Variants in HAS1 observed in about 807,000 individuals in gnomAD.
The protein encoded by HAS1 is HA synthase 1.
A neutral mutation model predicts 35.0 loss-of-function variants in HAS1; 27 were observed. The ratio of observed to expected loss-of-function variants is 0.77; its 90% CI spans 0.57 to 1.06. The LOEUF is 1.06. Ranked by LOEUF, HAS1 falls within the 50% of genes least tolerant of loss-of-function variation. HAS1 has a pLI of 0.00. For missense variants in HAS1, 940 were observed against 814.8 expected (o/e 1.15, Z -1.87); for synonymous variants, 409 against 371.2 (o/e 1.10, Z -1.17).
chr19:51,723,234 G>A (rs1423119438), intron 1 of HAS1, among the ~76,000 whole-genome samples: 3 of 152,026 alleles, frequency 2.0e-5, no homozygotes, highest in East Asian at 3.9e-4. Flanking sequence ...CAAACACAGC[G>A]ATCCCGTGAC....
At chr19:51,723,681 C>T (rs1233685009) in intron 1 of HAS1, among the ~76,000 whole-genome samples, 4 of 152,064 alleles carry the variant, frequency 2.6e-5, no homozygotes, top group Admixed American at 6.6e-5. Context: ...GGACATGGCA[C>T]GTCTCACCTA....
intron 2 of HAS1, among the ~76,000 whole-genome samples, chr19:51,718,300 T>C (rs1362680632): frequency 1.3e-5 from 2 of 151,746 alleles, no homozygotes; most frequent in African/African-American, 4.8e-5. Flanking sequence ...ATGAAATTAA[T>C]CTGTATATTG....
intron 4 of HAS1, 27 bp downstream of exon 4, chr19:51,716,229 C>T: frequency 6.2e-7 from 1 of 1,601,872 alleles, no homozygotes; most frequent in Non-Finnish European, 8.5e-7. Context: ...TCCACACATA[C>T]CCGACCACCT....
In HAS1 at chr19:51,713,866, C is replaced by T. The variant is rs775898159; in HGVS notation, c.1295G>A (p.Trp432Ter). 35 of 1,606,512 alleles carry T rather than the reference C, an allele frequency of 2.2e-5. No individual in the cohort carries two copies. Among genetic ancestry groups the T allele is most frequent in the Admixed American group, 3.3e-5 (2 of 59,962 alleles). Residue 432 changes from tryptophan to a stop codon, truncating the protein, a stop_gained, in exon 5 of 5, where the codon TGG becomes TAG. Transcript: ENST00000540069. LOFTEE classifies it low-confidence loss of function (END_TRUNC). This position sits in a 1 kb window ranked among gnomAD's most constrained non-coding sequence, Gnocchi z 4.5. ...CACGCCCTGCACGCACAGCAGCACC[C>T]ACAGCAGCGCCCAAGGGCGGCCCGC... is the stretch of plus-strand genomic sequence containing the variant. ...FYAGRPWALL[W>*]VLLCVQGVAL...
At position 51,717,123 on chromosome 19, in the gene HAS1, G is replaced by A. The variant is rs779268942; in HGVS notation, c.770C>T (p.Pro257Leu). Reference protein sequence around the residue: ...LELVRVLDEDPRVGAVGGDVR... With the variant: ...LELVRVLDEDLRVGAVGGDVR... ...GTCCCCACCAACAGCCCCTACCCGG[G>A]GGTCCTCGTCCAGTACCCGCACGAG... The change falls in exon 3 of 5, where the codon CCC (proline) becomes CTC (leucine). Residue 257 changes from proline (P) to leucine (L), a missense_variant. Transcript: ENST00000540069. 5.0e-6 allele frequency: 8 copies of A among 1,614,030 alleles called. No individual in the cohort carries two copies. The South Asian group carries it at 6.6e-5, about 13-fold the overall frequency.
At position 51,717,040 on chromosome 19, in the gene HAS1, A is replaced by G; in HGVS notation, c.853T>C (p.Trp285Arg). 6.2e-7 allele frequency: 1 copy of G among 1,614,140 alleles called. No homozygotes were observed. Among genetic ancestry groups the G allele is most frequent in the Non-Finnish European group, 8.5e-7 (1 of 1,180,006 alleles). The stretch of plus-strand genomic sequence containing the variant: ...GCCCGCTCCACATTGAAGGCTACCC[A>G]GTATCGCAGGCTGCTTAGGAAGCTG... Reference protein sequence around the residue: ...WVSFLSSLRYWVAFNVERACQ... With the variant: ...WVSFLSSLRYRVAFNVERACQ... The change falls in exon 3 of 5, where the codon TGG becomes CGG. Residue 285 changes from tryptophan to arginine, a missense_variant. Coordinates refer to ENST00000540069, the MANE Select transcript of HAS1 (RefSeq NM_001297436.2).
In HAS1 at chr19:51,713,112, G is replaced by A. The variant is rs935643032; in HGVS notation, c.*315C>T. The stretch of plus-strand genomic sequence containing the variant: ...GTTCTCAAAAAGGTGGAGGCTGGGG[G>A]AAAATAAATAAAATTCTTTATTACA... On this transcript the variant is annotated 3_prime_UTR_variant, in exon 5 of 5. Coordinates refer to ENST00000540069, the MANE Select transcript of HAS1 (RefSeq NM_001297436.2). The surrounding 1 kb of genome is among the most constrained non-coding windows in gnomAD (Gnocchi z 4.5). 3 of 302,298 alleles carry A rather than the reference G, an allele frequency of 9.9e-6. No individual in the cohort carries two copies. In the East Asian group the frequency reaches 1.6e-4, roughly 16 times the overall value. 18.7% of individuals were successfully genotyped at this position (302,298 alleles called of 1,614,324 possible).
At position 51,713,936 on chromosome 19, in the gene HAS1, G is replaced by T; in HGVS notation, c.1225C>A (p.Leu409Met). 1 of 1,609,840 alleles carries T rather than the reference G, an allele frequency of 6.2e-7. No individual in the cohort carries two copies. Residue 409 changes from leucine (L) to methionine (M), a missense_variant, in exon 5 of 5, where the codon CTG becomes ATG. Physicochemically the swap from Leu to Met is conservative, Grantham distance 15. Coordinates refer to ENST00000540069, the MANE Select transcript of HAS1 (RefSeq NM_001297436.2). This position sits in a 1 kb window ranked among gnomAD's most constrained non-coding sequence, Gnocchi z 4.5. ...GTGGCCGCCACGAAGAAGGGGAACA[G>T]GCCGGAGACCACCGCCTCGTAGGTC... ...WMTYEAVVSG[L>M]FPFFVAATVL...
chr19:51,713,625 C>A lies in HAS1; in HGVS notation c.1536G>T (p.Leu512=). The change falls in exon 5 of 5, where the codon CTG becomes CTT. Residue 512 remains leucine (L), a synonymous_variant. Coordinates refer to ENST00000540069, the MANE Select transcript of HAS1 (RefSeq NM_001297436.2). This position sits in a 1 kb window ranked among gnomAD's most constrained non-coding sequence, Gnocchi z 4.5. ...CTACGCTGCGGACCAGGCCCCCAAG[C>A]AGCAGCAGCGCCCAGAGCGCCAGGG... is the stretch of plus-strand genomic sequence containing the variant. ...LLPLALWALL[L]LGGLVRSVAH... 6.4e-7 allele frequency: 1 copy of A among 1,560,992 alleles called. No individual in the cohort carries two copies. The highest frequency in any genetic ancestry group is 8.7e-7 in the Non-Finnish European group (1 of 1,152,790).
rs758345819 is a variant in HAS1 at position 51,719,308 on chromosome 19, C to T, written c.597G>A (p.Val199=). 1 of 1,612,820 alleles carries T rather than the reference C, an allele frequency of 6.2e-7. No homozygotes were observed. The highest frequency in any genetic ancestry group is 1.1e-5 in the South Asian group (1 of 90,856). ...DPGRLAVEAL[V]RTRRCVCVAQ... The stretch of plus-strand genomic sequence containing the variant: ...CCACGCACACGCACCTGCGAGTCCT[C>T]ACCAGCGCCTCCACTGCCAGCCGCC... Residue 199 remains valine, a synonymous_variant, in exon 2 of 5, where the codon GTG becomes GTA. Coordinates refer to ENST00000540069, the MANE Select transcript of HAS1 (RefSeq NM_001297436.2).
rs776233327 is a variant in HAS1, at chr19:51,713,452, G to A, written c.1709C>T (p.Thr570Ile). 28 of 1,545,046 alleles carry A rather than the reference G, an allele frequency of 1.8e-5. No individual in the cohort carries two copies. The highest frequency in any genetic ancestry group is 1.4e-5 in the African/African-American group (1 of 72,600). ...TCACACCTGGACGCGGTAGCCCCCG[G>A]TCCGCCGCCGGCAAAGCCTCCGCAC... ...VGVRRLCRRRTGGYRVQV is the reference protein window; with the variant it reads ...VGVRRLCRRRIGGYRVQV Residue 570 changes from threonine to isoleucine, a missense_variant, in exon 5 of 5, where the codon ACC (threonine) becomes ATC (isoleucine). Physicochemically the swap from Thr to Ile is moderately conservative, Grantham distance 89. Transcript: ENST00000540069. This position sits in a 1 kb window ranked among gnomAD's most constrained non-coding sequence, Gnocchi z 4.5.
chr19:51,717,297 G>A lies in HAS1; in HGVS notation c.700-104C>T, dbSNP rs1039419285. 5.0e-5 allele frequency: 35 copies of A among 702,618 alleles called. No individual in the cohort carries two copies. In the African/African-American group the frequency reaches 5.5e-4, roughly 11 times the overall value. 43.5% of individuals were successfully genotyped at this position (702,618 alleles called of 1,614,324 possible). ...AATGCAGCTGGGGCACTCTGCAACC[G>A]ATCTGAACATAATTTTGAGATTTTT... is the stretch of plus-strand genomic sequence containing the variant. On this transcript the variant is annotated intron_variant, in intron 2 of 4. Coordinates refer to ENST00000540069, the MANE Select transcript of HAS1 (RefSeq NM_001297436.2).
In HAS1 at chr19:51,717,033, G is replaced by C. The variant is rs1032247937; in HGVS notation, c.860C>G (p.Ala287Gly). Residue 287 changes from alanine to glycine, a missense_variant, in exon 3 of 5, where the codon GCC becomes GGC. Physicochemically the swap from Ala to Gly is moderately conservative, Grantham distance 60 (BLOSUM62 0). Coordinates refer to ENST00000540069, the MANE Select transcript of HAS1 (RefSeq NM_001297436.2). ...SFLSSLRYWV[A>G]FNVERACQSY... The stretch of plus-strand genomic sequence containing the variant: ...CTGACAAGCCCGCTCCACATTGAAG[G>C]CTACCCAGTATCGCAGGCTGCTTAG... The C allele has an allele frequency of 6.2e-7, 1 of 1,614,082 alleles. No individual in the cohort carries two copies.
rs763647290 is a variant in HAS1 at position 51,714,062 on chromosome 19, A to G, written c.1099T>C (p.Ser367Pro). The G allele has an allele frequency of 1.2e-6, 2 of 1,613,698 alleles. No individual in the cohort carries two copies. Among genetic ancestry groups the G allele is most frequent in the South Asian group, 2.2e-5 (2 of 90,988 alleles). The change falls in exon 5 of 5, where the codon TCC (serine) becomes CCC (proline). Residue 367 changes from serine to proline, a missense_variant. Physicochemically the swap from Ser to Pro is moderately conservative, Grantham distance 74. Coordinates refer to ENST00000540069, the MANE Select transcript of HAS1 (RefSeq NM_001297436.2). The stretch of plus-strand genomic sequence containing the variant: ...TGCTGGCTCAGCCACCGCAGGAAGG[A>G]CGAGGGCGTCTCTGAGTAGCAGCGG... The part of the protein sequence containing the change: ...RSRCYSETPS[S>P]FLRWLSQQTR...
At position 51,718,780 on chromosome 19, in the gene HAS1, G is replaced by A. The variant is rs545088713; in HGVS notation, c.699+426C>T. ...TAGAACTCCTGACCTCAGGTGATCC[G>A]CCCACCTCAGCCTCTCAAAGTGGCC... On this transcript the variant is annotated intron_variant, in intron 2 of 4. Transcript: ENST00000540069. 2.4e-4 allele frequency among the ~76,000 whole-genome samples: 36 copies of A among 152,220 alleles called. 1 individual carries two copies. The highest frequency in any genetic ancestry group is 7.9e-4 in the African/African-American group (33 of 41,520).
chr19:51,723,965 T>G lies in HAS1; in HGVS notation c.-32A>C. 1 of 1,537,306 alleles carries G rather than the reference T, an allele frequency of 6.5e-7. No homozygotes were observed. On this transcript the variant is annotated 5_prime_UTR_variant, in exon 1 of 5. Transcript: ENST00000540069. ...GGGTCTGGCCGGGCTCTCTCTTCTC[T>G]CCGGCTTGCTCTCCCAGCCTCTCTG...
At chr19:51,717,756 C>T (rs2083597141) in intron 2 of HAS1, among the ~76,000 whole-genome samples, 1 of 152,104 alleles carries the variant, frequency 6.6e-6, no homozygotes, top group South Asian at 2.1e-4. Flanking sequence ...AACCCCAAGC[C>T]TTAAAAAAGA....
chr19:51,716,952 C>T lies in HAS1; in HGVS notation c.925+16G>A. The T allele has an allele frequency of 6.4e-7, 1 of 1,566,548 alleles. No individual in the cohort carries two copies. The highest frequency in any genetic ancestry group is 8.8e-7 in the Non-Finnish European group (1 of 1,137,098). The stretch of plus-strand genomic sequence containing the variant: ...CCACCCCATCCACAGCCCTCCCAAT[C>T]TCTGCCCCTGCTTACCTAGAGGACC... On this transcript the variant is annotated intron_variant, in intron 3 of 4. Transcript: ENST00000540069.
rs1171708474 is a variant in HAS1, at chr19:51,713,298, AC to A, written c.*128del. ...GTCCAGACTGAAGAATCTTGGGCTG[AC>A]CCCCTCGTTTTGCAGAGGAGGGAAA... On this transcript the variant is annotated 3_prime_UTR_variant, in exon 5 of 5. Transcript: ENST00000540069. This position sits in a 1 kb window ranked among gnomAD's most constrained non-coding sequence, Gnocchi z 4.5. 1.6e-5 allele frequency: 14 copies of A among 867,830 alleles called. No individual in the cohort carries two copies. Among genetic ancestry groups the A allele is most frequent in the Non-Finnish European group, 2.3e-5 (14 of 600,850 alleles). The allele number at this position is 867,830 out of a possible 1,614,324, so 53.8% of individuals were successfully genotyped here.
Sources: gnomAD v4.1 joint callset for allele counts (sites outside exome capture counted in the v4.1 genomes callset) on GRCh38, gnomAD v4.1.1 for gene constraint, Gnocchi (gnomAD v3.1) non-coding constraint, MANE v1.5 for transcripts, NCBI Gene and HGNC (gene_info 2026-07-23, HGNC 2026-07-21) for gene names.